The following C19orf12 variants were observed in gnomAD, a reference collection of about 807,000 sequenced individuals.
C19orf12 encodes chromosome 19 open reading frame 12.
In C19orf12, 2 loss-of-function variants were observed where a neutral mutation model predicts 3.8. That is an observed-to-expected ratio of 0.53 (90% CI 0.22 to 1.66). C19orf12 has a LOEUF of 1.66. Among genes scored for constraint, C19orf12 ranks in the 40% most tolerant of loss-of-function variants. C19orf12 has a pLI of 0.20. For synonymous variants in C19orf12, 89 were observed against 84.6 expected (o/e 1.05, Z -0.28); for missense variants, 156 against 188.8 (o/e 0.83, Z 1.02).
At chr19:29,712,926 G>A (rs953382786) in intron 1 of C19orf12, among the ~76,000 whole-genome samples, 2 of 152,248 alleles carry the variant, frequency 1.3e-5, no homozygotes, top group Non-Finnish European at 2.9e-5. Context: ...GTGTGTGAGG[G>A]CAGGCAGAGG....
rs113343769 is a variant in C19orf12, at chr19:29,701,350, C to A, written c.*1362G>T. ...GATGGGCAATGGCATAGCGTTTGCACGTAACCTACGCACACCTTCCTGTAT... is the reference window on the plus strand; with the variant it reads ...GATGGGCAATGGCATAGCGTTTGCAAGTAACCTACGCACACCTTCCTGTAT... On this transcript the variant is annotated 3_prime_UTR_variant, in exon 3 of 3. Transcript: ENST00000323670. 312 of 454,096 alleles carry A rather than the reference C, an allele frequency of 6.9e-4. 1 individual carries two copies. The highest frequency in any genetic ancestry group is 2.3e-3 in the South Asian group (151 of 64,476). The allele number at this position is 454,096 out of a possible 1,614,324, so 28.1% of individuals were successfully genotyped here.
rs1304548888 is a variant in C19orf12 at position 29,699,107 on chromosome 19, T to TA, written c.*3604dup. 8.8e-6 allele frequency: 4 copies of TA among 453,842 alleles called. No individual in the cohort carries two copies. The highest frequency in any genetic ancestry group is 1.8e-5 in the Non-Finnish European group (4 of 226,782). The allele number at this position is 453,842 out of a possible 1,614,324, so 28.1% of individuals were successfully genotyped here. A position where few individuals can be genotyped will look rare whatever the true frequency, so the allele number is the denominator to read the frequency against. On this transcript the variant is annotated 3_prime_UTR_variant, in exon 3 of 3. Coordinates refer to ENST00000323670, the MANE Select transcript of C19orf12 (RefSeq NM_031448.6). ...GAATTTTAAATTACATCAAAAATAT[T>TA]ATTTAACATTCATTGATACAGGTGT...
At chr19:29,708,619 A>G in intron 1 of C19orf12, 196 bp from the exon 2 acceptor site, 1 of 669,478 alleles carries the variant, frequency 1.5e-6, no homozygotes, top group Non-Finnish European at 2.7e-6. Flanking sequence ...GTTAGTGAAT[A>G]AGCAAATAGC....
chr19:29,709,788 T>C (rs1972577508), intron 1 of C19orf12, among the ~76,000 whole-genome samples: 1 of 151,998 alleles, frequency 6.6e-6, no homozygotes, highest in Non-Finnish European at 1.5e-5. Context: ...CCTTAGCCTC[T>C]CAAAGTGTTA....
At chr19:29,715,311 C>G, upstream of C19orf12, 1 of 392,946 alleles carries the variant, frequency 2.5e-6, no homozygotes, top group South Asian at 1.8e-5. Context: ...TTCCGGGAAG[C>G]CACGCGCCGG....
At chr19:29,708,108 A>G (rs1599545323) in intron 2 of C19orf12, 146 bp downstream of exon 2, 1 of 1,069,296 alleles carries the variant, frequency 9.4e-7, no homozygotes, top group East Asian at 2.5e-5. Context: ...CAAACTCCTG[A>G]CCTCAGGTGA....
intron 1 of C19orf12, among the ~76,000 whole-genome samples, chr19:29,713,435 C>T (rs550938111): frequency 1.0e-3 from 156 of 152,154 alleles, no homozygotes; most frequent in African/African-American, 3.7e-3. Context: ...CCCATCTCAC[C>T]GAGAGCGGCC....
Position 29,699,493 on chromosome 19 carries a change from A to AG in C19orf12, c.*3218_*3219insC, listed in dbSNP as rs1248898229. ...GCGAGACTCCATCTCAAAAAAAAAA[A>AG]AAAGAAAAAAAGAAAAAAATATATG... is the stretch of plus-strand genomic sequence containing the variant. On this transcript the variant is annotated 3_prime_UTR_variant, in exon 3 of 3. Coordinates refer to ENST00000323670, the MANE Select transcript of C19orf12 (RefSeq NM_031448.6). 4.8e-6 allele frequency: 2 copies of AG among 419,906 alleles called. No individual in the cohort carries two copies. Among genetic ancestry groups the AG allele is most frequent in the East Asian group, 1.4e-4 (2 of 14,172 alleles). The allele number at this position is 419,906 out of a possible 1,614,324, so 26.0% of individuals were successfully genotyped here. A position where few individuals can be genotyped will look rare whatever the true frequency, so the allele number is the denominator to read the frequency against.
At chr19:29,712,279 G>A (rs774394944) in intron 1 of C19orf12, among the ~76,000 whole-genome samples, 7 of 152,024 alleles carry the variant, frequency 4.6e-5, no homozygotes, top group Non-Finnish European at 1.0e-4. Context: ...CATGGTGCTC[G>A]CCTGTAATCC....
chr19:29,715,046 G>A, intron 1 of C19orf12, 79 bp downstream of exon 1: 1 of 680,436 alleles, frequency 1.5e-6, no homozygotes, highest in African/African-American at 1.8e-5. Context: ...GGGTCTCCAG[G>A]CCTGCTCTTG....
intron 1 of C19orf12, among the ~76,000 whole-genome samples, chr19:29,709,075 A>G (rs1164050960): frequency 6.6e-6 from 1 of 152,178 alleles, no homozygotes; most frequent in Admixed American, 6.5e-5. Flanking sequence ...ACTAACACAC[A>G]CACTGGGCTG....
chr19:29,712,124 G>A (rs185003366), intron 1 of C19orf12, among the ~76,000 whole-genome samples: 11 of 152,074 alleles, frequency 7.2e-5, no homozygotes, highest in Admixed American at 4.6e-4. Context: ...CTCAAGACAC[G>A]GCCGGCCACG....
At chr19:29,712,403 T>C (rs1568336448) in intron 1 of C19orf12, among the ~76,000 whole-genome samples, 1 of 150,798 alleles carries the variant, frequency 6.6e-6, no homozygotes, top group Non-Finnish European at 1.5e-5. Context: ...GGACTCCGTC[T>C]CAAAAAAAAA....
rs1348291055 is a variant in C19orf12 at position 29,701,284 on chromosome 19, T to C, written c.*1428A>G. 1 of 454,112 alleles carries C rather than the reference T, an allele frequency of 2.2e-6. No homozygotes were observed. Among genetic ancestry groups the C allele is most frequent in the Non-Finnish European group, 4.4e-6 (1 of 226,796 alleles). The allele number at this position is 454,112 out of a possible 1,614,324, so 28.1% of individuals were successfully genotyped here. ...GGGGATGGGTTCCAGGACTGCAACC[T>C]CAACCCTCAGACACCGACATCTGAG... On this transcript the variant is annotated 3_prime_UTR_variant, in exon 3 of 3. Coordinates refer to ENST00000323670, the MANE Select transcript of C19orf12 (RefSeq NM_031448.6).
chr19:29,705,523 T>G, intron 2 of C19orf12: 1 of 271,114 alleles, frequency 3.7e-6, no homozygotes, highest in African/African-American at 2.3e-5. Flanking sequence ...TTTTTTTTTT[T>G]TTCCTTAGAC....
chr19:29,712,095 C>T (rs1471816599), intron 1 of C19orf12, among the ~76,000 whole-genome samples: 1 of 152,038 alleles, frequency 6.6e-6, no homozygotes, highest in East Asian at 1.9e-4. Context: ...AAGCACAGTC[C>T]TCTCCCTTCT....
intron 1 of C19orf12, among the ~76,000 whole-genome samples, chr19:29,711,705 G>C (rs906787875): frequency 6.6e-6 from 1 of 152,258 alleles, no homozygotes; most frequent in Non-Finnish European, 1.5e-5. Context: ...GCAAGAAAAT[G>C]CATGTAGAAG....
intron 1 of C19orf12, among the ~76,000 whole-genome samples, chr19:29,713,737 C>T (rs1426013755): frequency 6.6e-6 from 1 of 152,070 alleles, no homozygotes; most frequent in African/African-American, 2.4e-5. Context: ...CTGATTTCTC[C>T]TGAAAAATCA....
chr19:29,715,317 G>A (rs929814469), upstream of C19orf12: 19 of 391,092 alleles, frequency 4.9e-5, no homozygotes, highest in Non-Finnish European at 8.6e-5. Context: ...GAAGCCACGC[G>A]CCGGGCCAGC....
Sources: allele counts gnomAD v4.1 joint callset (sites outside exome capture counted in the v4.1 genomes callset), GRCh38; gene constraint gnomAD v4.1.1; transcripts MANE v1.5; gene names NCBI Gene and HGNC (gene_info 2026-07-23, HGNC 2026-07-21).